COL6A3: variants seen among roughly 807,000 people sequenced by gnomAD.
COL6A3 encodes the protein collagen alpha-3(VI) chain.
Under a neutral mutation model 274.1 loss-of-function variants are expected in COL6A3, and 137 were observed. That is an observed-to-expected ratio of 0.50 (90% confidence interval 0.44 to 0.58). The LOEUF (loss-of-function observed/expected upper bound fraction) is 0.58. COL6A3 is among the 20% of genes least tolerant of loss of function. The probability of loss-of-function intolerance (pLI) is 0.00; values close to 1 mark genes in which losing one functional copy is unlikely to be tolerated. For synonymous variants in COL6A3, 1,650 were observed against 1,650.6 expected (o/e 1.00, Z 0.01); for missense variants, 3,950 against 4,124.9 (o/e 0.96, Z 1.16).
chr2:237,379,260 G>A (rs766700660), intron 5 of COL6A3, 25 bp from the exon 6 acceptor site: 13 of 1,613,854 alleles, frequency 8.1e-6, no homozygotes, highest in Non-Finnish European at 1.1e-5. Context: ...AGAAAAAAAA[G>A]TGAGACATAC....
rs2078899665 is a variant in COL6A3, at chr2:237,413,198, AT to A, written c.-31+754del. Among the ~76,000 whole-genome samples, 1 of 152,172 alleles carries A rather than the reference AT, an allele frequency of 6.6e-6. No homozygotes were observed. Among genetic ancestry groups the A allele is most frequent in the Non-Finnish European group, 1.5e-5 (1 of 68,028 alleles). On this transcript the variant is annotated intron_variant, in intron 1 of 43. Coordinates refer to ENST00000295550, the MANE Select transcript of COL6A3 (RefSeq NM_004369.4). This position sits in a 1 kb window ranked among gnomAD's most constrained non-coding sequence, Gnocchi z 4.0. Reference sequence around the variant, plus strand: ...GGCACTGGCCTCACCTCTGTGCAGCATGGGCTGGCCCTGCAGCCCCAGGGGC... The same window carrying A: ...GGCACTGGCCTCACCTCTGTGCAGCAGGGCTGGCCCTGCAGCCCCAGGGGC...
In COL6A3 at chr2:237,371,862, G is replaced by A. The variant is rs761804539; in HGVS notation, c.4155C>T (p.Pro1385=). ...QEELVKISLS[P]EYVFSVSTFR... is the part of the protein sequence containing the mutation. ...AGGTGCTCACCGAGAACACATATTC[G>A]GGGCTCAGCGAGATCTTCACCAGCT... The change falls in exon 9 of 44, where the codon CCC becomes CCT. Residue 1385 remains proline (P), a synonymous_variant. Transcript: ENST00000295550. This position sits in a 1 kb window ranked among gnomAD's most constrained non-coding sequence, Gnocchi z 4.3. 57 of 1,613,318 alleles carry A rather than the reference G, an allele frequency of 3.5e-5. No individual in the cohort carries two copies. Among genetic ancestry groups the A allele is most frequent in the Admixed American group, 5.0e-5 (3 of 59,986 alleles).
At chr2:237,400,346 C>G (rs2106396147) in intron 1 of COL6A3, among the ~76,000 whole-genome samples, 1 of 152,122 alleles carries the variant, frequency 6.6e-6, no homozygotes, top group Admixed American at 6.5e-5. Flanking sequence ...TCCCCTGCAT[C>G]AGGAATAATT....
chr2:237,336,618 T>A, intron 39 of COL6A3, 86 bp from the exon 40 acceptor site: 1 of 1,445,514 alleles, frequency 6.9e-7, no homozygotes, highest in Non-Finnish European at 9.6e-7. Context: ...ACATTAAATT[T>A]GTTTTAGCAA....
intron 41 of COL6A3, 116 bp from the exon 42 acceptor site, chr2:237,333,664 G>T: frequency 2.3e-6 from 2 of 857,914 alleles, no homozygotes; most frequent in Non-Finnish European, 3.8e-6. Context: ...TTGGGGAGTG[G>T]TGATTGAAAG....
Position 237,388,173 on chromosome 2 carries a change from CAG to C in COL6A3, c.719_720del (p.Ser240CysfsTer2), listed in dbSNP as rs2106379307. The C allele has an allele frequency of 6.2e-7, 1 of 1,614,050 alleles. No homozygotes were observed. The highest frequency in any genetic ancestry group is 8.5e-7 in the Non-Finnish European group (1 of 1,180,048). The part of the protein sequence containing the change: ...ETLKDITAQD[S>X]ADIIFLIDGS... The stretch of plus-strand genomic sequence containing the variant: ...CCATCAATAAGGAAAATAATGTCAG[CAG>C]AGTCTTGTGCTTTAAAAGAAAGAAA... On this transcript the variant is annotated frameshift_variant, in exon 4 of 44. Coordinates refer to ENST00000295550, the MANE Select transcript of COL6A3 (RefSeq NM_004369.4). LOFTEE classifies it high-confidence loss of function.
At chr2:237,351,055 A>G in intron 27 of COL6A3, 75 bp downstream of exon 27, 1 of 1,409,338 alleles carries the variant, frequency 7.1e-7, no homozygotes, top group Non-Finnish European at 1.0e-6. Flanking sequence ...AGACAGACTG[A>G]CCAAAGAGGG....
intron 1 of COL6A3, among the ~76,000 whole-genome samples, chr2:237,412,175 G>T (rs1034893664): frequency 6.6e-6 from 1 of 152,130 alleles, no homozygotes; most frequent in Non-Finnish European, 1.5e-5. Flanking sequence ...CCCCACCCAG[G>T]CTTTCATCCT....
rs919896256 is a variant in COL6A3 at position 237,407,736 on chromosome 2, C to T, written c.-31+6217G>A. On this transcript the variant is annotated intron_variant, in intron 1 of 43. Transcript: ENST00000295550. This position sits in a 1 kb window ranked among gnomAD's most constrained non-coding sequence, Gnocchi z 4.3. Reference sequence around the variant, plus strand: ...CTGGTGTGATTTGAAAAGCTAGACGCCACCATGCAAATGTAAAACACATTC... The same window carrying T: ...CTGGTGTGATTTGAAAAGCTAGACGTCACCATGCAAATGTAAAACACATTC... 2.6e-5 allele frequency among the ~76,000 whole-genome samples: 4 copies of T among 152,230 alleles called. No homozygotes were observed. The highest frequency in any genetic ancestry group is 1.5e-5 in the Non-Finnish European group (1 of 68,044).
At chr2:237,380,436 G>A (rs1404397215) in intron 5 of COL6A3, among the ~76,000 whole-genome samples, 1 of 152,180 alleles carries the variant, frequency 6.6e-6, no homozygotes, top group East Asian at 1.9e-4. Context: ...TCCCATTGAG[G>A]GTAATCCCTT....
intron 9 of COL6A3, among the ~76,000 whole-genome samples, chr2:237,370,819 T>C (rs1463796): frequency 0.25 from 37,553 of 152,016 alleles, 4,746 homozygotes; most frequent in Middle Eastern, 0.32. Context: ...GGCCTTGGGG[T>C]TCTCCTGTTG....
chr2:237,358,532 G>A lies in COL6A3; in HGVS notation c.6460C>T (p.Arg2154Ter), dbSNP rs762768377. 1.2e-6 allele frequency: 2 copies of A among 1,613,848 alleles called. No individual in the cohort carries two copies. The highest frequency in any genetic ancestry group is 1.7e-6 in the Non-Finnish European group (2 of 1,179,828). ...AAAGAAATCTTTACCGGGTCCCCTC[G>A]AATCCCAACATCTCCTCTTTCTCCT... The part of the protein sequence containing the change: ...EKGERGDVGI[R>*]GDPGNPGQDS... The change falls in exon 21 of 44, where the codon CGA becomes TGA. Residue 2154 changes from arginine to a stop codon, truncating the protein, a stop_gained. Transcript: ENST00000295550. LOFTEE classifies it high-confidence loss of function.
intron 32 of COL6A3, among the ~76,000 whole-genome samples, chr2:237,346,254 T>C (rs759141351): frequency 6.6e-6 from 1 of 152,232 alleles, no homozygotes; most frequent in African/African-American, 2.4e-5. Context: ...CAGGAAACTA[T>C]AAAGGCAAAT....
chr2:237,368,580 G>C lies in COL6A3; in HGVS notation c.4883C>G (p.Pro1628Arg). 2.5e-6 allele frequency: 4 copies of C among 1,614,136 alleles called. No individual in the cohort carries two copies. In the South Asian group the frequency reaches 3.3e-5, roughly 13 times the overall value. The change falls in exon 10 of 44, where the codon CCT (proline) becomes CGT (arginine). Residue 1628 changes from proline (P) to arginine (R), a missense_variant. Coordinates refer to ENST00000295550, the MANE Select transcript of COL6A3 (RefSeq NM_004369.4). The surrounding 1 kb of genome is among the most constrained non-coding windows in gnomAD (Gnocchi z 4.4). ...GTGCATACCTGGCCGTGAAGGAGGA[G>C]GGGTGTCCACCCCTGGAGGTGCAGG... The part of the protein sequence containing the change: ...ATPAPPGVDT[P>R]PPSRPEKKKA...
chr2:237,341,931 G>T, intron 37 of COL6A3, 134 bp downstream of exon 37: 1 of 765,518 alleles, frequency 1.3e-6, no homozygotes, highest in Non-Finnish European at 2.3e-6. Context: ...TATTTACTCT[G>T]GTAAATACGA....
At chr2:237,385,921 G>T (rs1240812330) in intron 4 of COL6A3, among the ~76,000 whole-genome samples, 1 of 152,168 alleles carries the variant, frequency 6.6e-6, no homozygotes, top group Non-Finnish European at 1.5e-5. Flanking sequence ...AGGAAAAGCT[G>T]GAAAACTGTA....
rs2106388440 is a variant in COL6A3, at chr2:237,394,953, T to C, written c.343A>G (p.Thr115Ala). ...TCTAATCCTTTTCCAGTCTGATTGGTTCCCCCAATATAAGACATGTTGGAA... is the reference window on the plus strand; with the variant it reads ...TCTAATCCTTTTCCAGTCTGATTGGCTCCCCCAATATAAGACATGTTGGAA... ...HISNMSYIGG[T>A]NQTGKGLEYI... The change falls in exon 3 of 44, where the codon ACC becomes GCC. Residue 115 changes from threonine to alanine, a missense_variant. Physicochemically the swap from Thr to Ala is moderately conservative, Grantham distance 58. Around this residue, in one of 5 missense-constraint regions of COL6A3, gnomAD observed 1,934 missense variants for 1,984.3 expected, o/e 0.97. Transcript: ENST00000295550. 1.9e-6 allele frequency: 3 copies of C among 1,614,120 alleles called. No homozygotes were observed. Among genetic ancestry groups the C allele is most frequent in the Non-Finnish European group, 2.5e-6 (3 of 1,179,996 alleles).
intron 7 of COL6A3, 144 bp from the exon 8 acceptor site, chr2:237,375,164 G>T: frequency 7.8e-7 from 1 of 1,274,252 alleles, no homozygotes; most frequent in Non-Finnish European, 1.1e-6. Flanking sequence ...ATGTGATTCA[G>T]GTAAGGATTT....
intron 7 of COL6A3, among the ~76,000 whole-genome samples, chr2:237,375,651 T>A (rs2077819353): frequency 6.6e-6 from 1 of 152,220 alleles, no homozygotes; most frequent in South Asian, 2.1e-4. Context: ...CAAGTGATTC[T>A]TCTGCCTCAG....
Sources: allele counts gnomAD v4.1 joint callset (sites outside exome capture counted in the v4.1 genomes callset), GRCh38; gene constraint gnomAD v4.1.1; regional missense constraint gnomAD v4.1.1; non-coding constraint Gnocchi (gnomAD v3.1); transcripts MANE v1.5; gene names NCBI Gene and HGNC (gene_info 2026-07-23, HGNC 2026-07-21).